Variants in MLIP observed in about 807,000 individuals in gnomAD.
The protein encoded by MLIP is muscular LMNA-interacting protein.
A neutral mutation model predicts 84.8 loss-of-function variants in MLIP; 79 were observed. That is an observed-to-expected ratio of 0.93 (90% CI 0.78 to 1.12). The LOEUF (loss-of-function observed/expected upper bound fraction) is 1.12, where lower values mean the gene tolerates loss of function less well. MLIP is among the 50% of genes most tolerant of loss of function. The pLI, the probability that MLIP is intolerant of heterozygous loss-of-function variation, is 0.00. For missense variants in MLIP, 1,257 were observed against 1,160.6 expected, an observed-to-expected ratio of 1.08 and a Z score of -1.21; for synonymous variants, 504 against 463.0, an observed-to-expected ratio of 1.09 and a Z score of -1.14.
intron 12 of MLIP, among the ~76,000 whole-genome samples, chr6:54,243,029 A>G (rs981444745): frequency 5.3e-5 from 8 of 152,238 alleles, no homozygotes; most frequent in African/African-American, 1.7e-4. Context: ...AAGCCAGCAG[A>G]CAGAGACATG....
intron 12 of MLIP, among the ~76,000 whole-genome samples, chr6:54,242,156 A>T (rs2150839647): frequency 6.6e-6 from 1 of 152,326 alleles, no homozygotes; most frequent in Middle Eastern, 3.4e-3. Context: ...GGACAGAGAA[A>T]GGAAAGAAAC....
chr6:54,110,426 G>A (rs996770711), upstream of MLIP, among the ~76,000 whole-genome samples: 1 of 152,114 alleles, frequency 6.6e-6, no homozygotes, highest in African/African-American at 2.4e-5. Flanking sequence ...GTGTAAAATA[G>A]AAGAAGGCTC....
rs1377960344 is a variant in MLIP, at chr6:54,093,933, G to A, written c.64-27514G>A. On this transcript the variant is annotated intron_variant, in intron 1 of 12. Transcript: ENST00000274897. ...ACAGAAAGAGTTTGCCAACTTCTGG[G>A]AATTGTCTGATAATGAATGTAAAGC... Among the ~76,000 whole-genome samples the A allele has an allele frequency of 2.0e-5, 3 of 152,090 alleles. No individual in the cohort carries two copies. The East Asian group carries it at 5.8e-4, about 29-fold the overall frequency.
intron 8 of MLIP, among the ~76,000 whole-genome samples, chr6:54,161,884 A>C (rs941433044): frequency 2.0e-5 from 3 of 151,914 alleles, no homozygotes; most frequent in Non-Finnish European, 2.9e-5. Flanking sequence ...CAAATATATT[A>C]TATCAATTTT....
chr6:54,028,205 A>G (rs1308657192), intron 1 of MLIP, among the ~76,000 whole-genome samples: 2 of 152,152 alleles, frequency 1.3e-5, no homozygotes, highest in Non-Finnish European at 2.9e-5. Flanking sequence ...AAATTTCTCA[A>G]GGGTCCTTTT....
chr6:54,038,025 A>G (rs907927491), intron 1 of MLIP, among the ~76,000 whole-genome samples: 14 of 151,840 alleles, frequency 9.2e-5, no homozygotes, highest in Non-Finnish European at 1.8e-4. Flanking sequence ...ATTTATTCAC[A>G]CCTCACCTCA....
At chr6:54,118,885 C>CA (rs1187050197) in intron 1 of MLIP, among the ~76,000 whole-genome samples, 2 of 152,216 alleles carry the variant, frequency 1.3e-5, no homozygotes, top group East Asian at 3.9e-4. Flanking sequence ...AAAAGACACA[C>CA]AAATGGCCAA....
chr6:54,166,026 C>A (rs557241841), intron 8 of MLIP, among the ~76,000 whole-genome samples: 2 of 152,002 alleles, frequency 1.3e-5, no homozygotes, highest in East Asian at 3.9e-4. Flanking sequence ...GACCTCCCAG[C>A]CTCCAGAACT....
At chr6:54,231,689 A>G (rs1781015462) in intron 12 of MLIP, among the ~76,000 whole-genome samples, 1 of 152,182 alleles carries the variant, frequency 6.6e-6, no homozygotes, top group Non-Finnish European at 1.5e-5. Context: ...AACTGGTTAA[A>G]CTTTAATTAA....
At chr6:54,019,133 T>C (rs1243657341) in intron 1 of MLIP, 2 of 1,600,882 alleles carry the variant, frequency 1.2e-6, no homozygotes, top group Admixed American at 1.7e-5. Context: ...ATAATGAAAT[T>C]GACAGGGTAG....
intron 1 of MLIP, among the ~76,000 whole-genome samples, chr6:54,076,002 G>A (rs988954949): frequency 6.6e-6 from 1 of 152,084 alleles, no homozygotes; most frequent in Non-Finnish European, 1.5e-5. Flanking sequence ...GGTACAAAAA[G>A]CATGAAGGAG....
intron 4 of MLIP, among the ~76,000 whole-genome samples, chr6:54,139,557 A>C (rs529001389): frequency 6.6e-6 from 1 of 152,198 alleles, no homozygotes; most frequent in Non-Finnish European, 1.5e-5. Flanking sequence ...GCAATATCAA[A>C]TGCTTTCTGT....
chr6:54,153,828 G>A (rs919156535), intron 5 of MLIP, among the ~76,000 whole-genome samples: 3 of 145,466 alleles, frequency 2.1e-5, no homozygotes, highest in Non-Finnish European at 3.0e-5. Context: ...CTCCAGCCTG[G>A]GTGACAGAGT....
At chr6:54,249,803 A>C (rs1782343133) in intron 12 of MLIP, among the ~76,000 whole-genome samples, 1 of 151,602 alleles carries the variant, frequency 6.6e-6, no homozygotes, top group African/African-American at 2.4e-5. Context: ...ATGTTTATTT[A>C]CTTTTATTTT....
chr6:54,036,021 A>G (rs1764417150), intron 1 of MLIP, among the ~76,000 whole-genome samples: 1 of 151,954 alleles, frequency 6.6e-6, no homozygotes. Flanking sequence ...TGCTTTTGGT[A>G]TCAAGTATAA....
chr6:54,212,169 T>G (rs1779501157), intron 11 of MLIP, among the ~76,000 whole-genome samples: 1 of 152,176 alleles, frequency 6.6e-6, no homozygotes, highest in African/African-American at 2.4e-5. Context: ...TTTCCCTAAT[T>G]ATTAGGTTCC....
intron 1 of MLIP, among the ~76,000 whole-genome samples, chr6:54,031,005 T>C (rs1376138655): frequency 6.6e-6 from 1 of 152,214 alleles, no homozygotes; most frequent in Non-Finnish European, 1.5e-5. Context: ...ATTTTCCTTT[T>C]TTCCACAAAA....
intron 1 of MLIP, among the ~76,000 whole-genome samples, chr6:54,053,192 C>G (rs1050341557): frequency 6.6e-6 from 1 of 152,142 alleles, no homozygotes; most frequent in African/African-American, 2.4e-5. Flanking sequence ...GATACCCATA[C>G]CTTAAGCACC....
At chr6:54,230,212 C>T (rs146654982) in intron 11 of MLIP, among the ~76,000 whole-genome samples, 38 of 152,252 alleles carry the variant, frequency 2.5e-4, no homozygotes, top group African/African-American at 6.5e-4. Flanking sequence ...AACTCAACTC[C>T]GAAACTTATT....
Sources: allele counts gnomAD v4.1 joint callset (sites outside exome capture counted in the v4.1 genomes callset), GRCh38; gene constraint gnomAD v4.1.1; transcripts MANE v1.5; gene names NCBI Gene and HGNC (gene_info 2026-07-23, HGNC 2026-07-21).